RGS7: variants seen among roughly 807,000 people sequenced by gnomAD.
The protein encoded by RGS7 is regulator of G-protein signaling 7.
Under a neutral mutation model 81.1 loss-of-function variants are expected in RGS7, and 27 were observed. The ratio of observed to expected loss-of-function variants is 0.33; its 90% CI spans 0.25 to 0.46. RGS7 has a LOEUF of 0.46. Ranked by LOEUF, RGS7 falls within the 20% of genes least tolerant of loss-of-function variation. RGS7 has a pLI of 1.00. For synonymous variants in RGS7, 208 were observed against 207.7 expected, an observed-to-expected ratio of 1.00 and a Z score of -0.01; for missense variants, 396 against 607.4, an observed-to-expected ratio of 0.65 and a Z score of 3.66.
At chr1:240,942,469 G>A (rs1412027360) in intron 4 of RGS7, among the ~76,000 whole-genome samples, 2 of 152,156 alleles carry the variant, frequency 1.3e-5, no homozygotes, top group East Asian at 3.8e-4. Context: ...AGTCAAGAAA[G>A]TAATTTAAAA....
intron 10 of RGS7, among the ~76,000 whole-genome samples, chr1:240,826,776 T>G (rs938883882): frequency 3.3e-5 from 5 of 152,134 alleles, no homozygotes; most frequent in Middle Eastern, 3.2e-3. Flanking sequence ...CTGCACTCTT[T>G]CTGGAATTAA....
intron 2 of RGS7, among the ~76,000 whole-genome samples, chr1:241,185,474 C>T (rs2072013757): frequency 6.6e-6 from 1 of 152,062 alleles, no homozygotes; most frequent in South Asian, 2.1e-4. Flanking sequence ...AAGACATGAA[C>T]AACAGTACCA....
At chr1:241,265,565 G>A (rs1046918117) in intron 2 of RGS7, among the ~76,000 whole-genome samples, 4 of 152,148 alleles carry the variant, frequency 2.6e-5, no homozygotes, top group Admixed American at 2.6e-4. Context: ...TGGGGCTGGG[G>A]ACAGGGCTCC....
chr1:241,205,076 ATT>A (rs10649310), intron 2 of RGS7, among the ~76,000 whole-genome samples: 20,029 of 125,874 alleles, frequency 0.16, 1,380 homozygotes, highest in African/African-American at 0.27. Flanking sequence ...TTCATTTGTG[ATT>A]TTTTTTTTTT....
At chr1:241,136,489 A>G (rs2067525320) in intron 2 of RGS7, among the ~76,000 whole-genome samples, 1 of 151,988 alleles carries the variant, frequency 6.6e-6, no homozygotes, top group Non-Finnish European at 1.5e-5. Context: ...GTCACTCTGG[A>G]GCACTCTCCT....
intron 3 of RGS7, among the ~76,000 whole-genome samples, chr1:240,986,970 C>T (rs1685763764): frequency 2.6e-5 from 4 of 152,182 alleles, no homozygotes; most frequent in South Asian, 2.1e-4. Flanking sequence ...GAACGGCAAA[C>T]GAGCTTCCTT....
intron 4 of RGS7, among the ~76,000 whole-genome samples, 158 bp downstream of exon 4, chr1:240,982,921 T>G (rs987066080): frequency 1.3e-5 from 2 of 152,208 alleles, no homozygotes; most frequent in Non-Finnish European, 2.9e-5. Context: ...ATGTTTTGAC[T>G]ACCATAAAAT....
chr1:240,808,458 T>C (rs1032211102), intron 14 of RGS7, among the ~76,000 whole-genome samples: 2 of 152,202 alleles, frequency 1.3e-5, no homozygotes, highest in Admixed American at 6.5e-5. Context: ...GTGATTCACC[T>C]ATATTAACTC....
At chr1:241,335,709 G>A (rs562699584) in intron 2 of RGS7, among the ~76,000 whole-genome samples, 48 of 149,862 alleles carry the variant, frequency 3.2e-4, no homozygotes, top group Admixed American at 7.3e-4. Flanking sequence ...ACACACACAC[G>A]CAGAGTGATG....
intron 4 of RGS7, among the ~76,000 whole-genome samples, chr1:240,974,406 C>A (rs1683753146): frequency 6.6e-6 from 1 of 152,154 alleles, no homozygotes; most frequent in African/African-American, 2.4e-5. Flanking sequence ...TAAGAGAGCA[C>A]AAACTGAATC....
intron 2 of RGS7, among the ~76,000 whole-genome samples, chr1:241,317,023 A>G (rs765539567): frequency 4.6e-5 from 7 of 152,240 alleles, no homozygotes; most frequent in Non-Finnish European, 1.0e-4. Context: ...AAGTCTTGAC[A>G]GCTAATAAAA....
chr1:240,805,444 TTTC>T (rs1367820740), intron 15 of RGS7, among the ~76,000 whole-genome samples: 3 of 152,204 alleles, frequency 2.0e-5, no homozygotes, highest in African/African-American at 7.2e-5. Context: ...CAAGTTTATT[TTTC>T]TTCTTAAGTT....
intron 4 of RGS7, among the ~76,000 whole-genome samples, chr1:240,937,380 A>T (rs1676823751): frequency 6.6e-6 from 1 of 152,300 alleles, no homozygotes. Context: ...TTTAGAGTAC[A>T]TTCTTGGCAT....
At chr1:240,774,953 A>G (rs1340044978), downstream of RGS7, among the ~76,000 whole-genome samples, 1 of 152,198 alleles carries the variant, frequency 6.6e-6, no homozygotes, top group African/African-American at 2.4e-5. Flanking sequence ...AGTATGTGGG[A>G]GGATTTACGT....
At chr1:241,057,821 C>A (rs940797468) in intron 3 of RGS7, among the ~76,000 whole-genome samples, 2 of 152,110 alleles carry the variant, frequency 1.3e-5, no homozygotes, top group African/African-American at 2.4e-5. Context: ...GGGATCACAC[C>A]GCTGCACTCC....
chr1:241,050,167 G>A lies in RGS7; in HGVS notation c.175+48499C>T, dbSNP rs114113027. ...CTAAAGAACGTGATCCCATTATCAA[G>A]AATCTCCAGGTCCCTTCCCCAGGTT... is the stretch of plus-strand genomic sequence containing the variant. On this transcript the variant is annotated intron_variant, in intron 3 of 18. Coordinates refer to ENST00000440928, the MANE Select transcript of RGS7 (RefSeq NM_001364886.1). 7.4e-3 allele frequency among the ~76,000 whole-genome samples: 1,130 copies of A among 152,262 alleles called. 15 individuals carry two copies. The highest frequency in any genetic ancestry group is 0.026 in the African/African-American group (1,084 of 41,552).
At chr1:240,976,261 A>T (rs1366563532) in intron 4 of RGS7, among the ~76,000 whole-genome samples, 2 of 152,218 alleles carry the variant, frequency 1.3e-5, no homozygotes, top group African/African-American at 4.8e-5. Flanking sequence ...GCCTGGCTAA[A>T]GCAAAGAGTG....
At chr1:240,869,950 A>G in intron 7 of RGS7, 105 bp downstream of exon 7, 2 of 1,007,050 alleles carry the variant, frequency 2.0e-6, no homozygotes, top group Non-Finnish European at 3.2e-6. Context: ...CAAAAAAAAG[A>G]AAAAGATCCA....
Position 241,357,011 on chromosome 1 carries a change from C to A in RGS7, c.-163G>T, listed in dbSNP as rs2083624827. On this transcript the variant is annotated 5_prime_UTR_variant, in exon 1 of 19. Coordinates refer to ENST00000440928, the MANE Select transcript of RGS7 (RefSeq NM_001364886.1). ...CGAGGCAGGGTAGCTTCATCACACT[C>A]GCGGCGGATGCGGATTCCGCGCCGC... The A allele has an allele frequency of 6.6e-6, 1 of 151,960 alleles. No individual in the cohort carries two copies. The highest frequency in any genetic ancestry group is 1.5e-5 in the Non-Finnish European group (1 of 68,028). The allele number at this position is 151,960 out of a possible 1,614,324, so 9.4% of individuals were successfully genotyped here.
Sources: allele counts gnomAD v4.1 joint callset (sites outside exome capture counted in the v4.1 genomes callset), GRCh38; gene constraint gnomAD v4.1.1; transcripts MANE v1.5; gene names NCBI Gene and HGNC (gene_info 2026-07-23, HGNC 2026-07-21).